Variants in BMP8B observed in about 807,000 individuals in gnomAD.
BMP8B encodes the protein bone morphogenetic protein 8b, also known as bone morphogenetic protein 8 (osteogenic protein 2).
A neutral mutation model predicts 30.3 loss-of-function variants in BMP8B; 17 were observed. That is an observed-to-expected ratio of 0.56 (90% CI 0.38 to 0.84). BMP8B has a LOEUF of 0.84. Among genes scored for constraint, BMP8B ranks in the 40% least tolerant of loss-of-function variants. The pLI is 0.00. For synonymous variants in BMP8B, 131 were observed against 214.7 expected (o/e 0.61, Z 3.41); for missense variants, 253 against 494.6 (o/e 0.51, Z 4.63).
At position 39,788,480 on chromosome 1, in the gene BMP8B, G is replaced by T; in HGVS notation, c.6C>A (p.Thr2=). M[T]ALPGPLWLLG... ...GGAGCCAGAGCGGGCCGGGGAGCGC[G>T]GTCATGGCAGGCCGGGGGCGCTCAG... Residue 2 remains threonine (T), a synonymous_variant, in exon 1 of 7, where the codon ACC becomes ACA. Coordinates refer to ENST00000372827, the MANE Select transcript of BMP8B (RefSeq NM_001720.5). The surrounding 1 kb of genome is among the most constrained non-coding windows in gnomAD (Gnocchi z 5.8). The T allele has an allele frequency of 2.0e-6, 2 of 1,017,984 alleles. No individual in the cohort carries two copies. Among genetic ancestry groups the T allele is most frequent in the Non-Finnish European group, 1.2e-6 (1 of 852,864 alleles). 63.1% of individuals were successfully genotyped at this position (1,017,984 alleles called of 1,614,324 possible).
chr1:39,778,485 T>C (rs983327245), intron 1 of BMP8B, among the ~76,000 whole-genome samples: 2 of 151,144 alleles, frequency 1.3e-5, no homozygotes, highest in African/African-American at 2.4e-5. Context: ...TGGTTCTGCG[T>C]CCTGAAGGGG....
Position 39,758,086 on chromosome 1 carries a change from C to T in BMP8B, c.*2333G>A, listed in dbSNP as rs1371794653. 6.6e-6 allele frequency: 1 copy of T among 152,202 alleles called. No homozygotes were observed. The highest frequency in any genetic ancestry group is 1.5e-5 in the Non-Finnish European group (1 of 68,044). The allele number at this position is 152,202 out of a possible 1,614,324, so 9.4% of individuals were successfully genotyped here. On this transcript the variant is annotated 3_prime_UTR_variant, in exon 7 of 7. Coordinates refer to ENST00000372827, the MANE Select transcript of BMP8B (RefSeq NM_001720.5). ...TGGTGCACCCCTAACTATGCCAGAT[C>T]ATTGGCTGGGCACTAAAGATACAGG... is the stretch of plus-strand genomic sequence containing the variant.
chr1:39,780,153 T>C (rs1650531101), intron 1 of BMP8B, among the ~76,000 whole-genome samples: 1 of 152,222 alleles, frequency 6.6e-6, no homozygotes, highest in African/African-American at 2.4e-5. Context: ...CATATTCTAT[T>C]GGTCACACAG....
chr1:39,776,039 G>A (rs1650205035), intron 1 of BMP8B, among the ~76,000 whole-genome samples: 1 of 152,296 alleles, frequency 6.6e-6, no homozygotes. Context: ...TGCCTGCTGA[G>A]GGTGCGAATC....
intron 6 of BMP8B, 35 bp from the exon 7 acceptor site, chr1:39,760,603 C>T: frequency 6.2e-7 from 1 of 1,604,078 alleles, no homozygotes; most frequent in South Asian, 1.1e-5. Context: ...GGGGCATGAG[C>T]CCAGTGGCCT....
At chr1:39,762,081 A>G (rs1202767474) in intron 6 of BMP8B, among the ~76,000 whole-genome samples, 1 of 152,204 alleles carries the variant, frequency 6.6e-6, no homozygotes. Flanking sequence ...CGTCCTCATC[A>G]TCCCTGGGCC....
intron 1 of BMP8B, among the ~76,000 whole-genome samples, chr1:39,780,440 T>C (rs1650551104): frequency 6.6e-6 from 1 of 152,204 alleles, no homozygotes. Context: ...GCTGCAGATA[T>C]GTCAAGGGAG....
At chr1:39,769,677 C>G in intron 3 of BMP8B, 1 of 1,568,166 alleles carries the variant, frequency 6.4e-7, no homozygotes. Context: ...GAGGAGCGCA[C>G]CACCCCGCCC....
Position 39,768,319 on chromosome 1 carries a change from C to T in BMP8B, c.674-3502G>A, listed in dbSNP as rs1372686275. Reference sequence around the variant, plus strand: ...GTTCTAGAACTCCTCCTGTCCTAGGCTGTAGCCTTTGGCCACACACAGAGG... The same window carrying T: ...GTTCTAGAACTCCTCCTGTCCTAGGTTGTAGCCTTTGGCCACACACAGAGG... On this transcript the variant is annotated intron_variant, in intron 3 of 6. Transcript: ENST00000372827. Among the ~76,000 whole-genome samples, 8 of 103,828 alleles carry T rather than the reference C, an allele frequency of 7.7e-5. 3 individuals carry two copies. Among genetic ancestry groups the T allele is most frequent in the African/African-American group, 1.4e-4 (3 of 21,668 alleles). 68.1% of individuals were successfully genotyped at this position (103,828 alleles called of 152,430 possible).
rs1330824069 is a variant in BMP8B at position 39,758,266 on chromosome 1, A to G, written c.*2153T>C. Reference sequence around the variant, plus strand: ...TTTTGTTGAGACAACAGTTTTGCTCATGTCACCAGGCTGAAGTGCAATGTT... The same window carrying G: ...TTTTGTTGAGACAACAGTTTTGCTCGTGTCACCAGGCTGAAGTGCAATGTT... On this transcript the variant is annotated 3_prime_UTR_variant, in exon 7 of 7. Transcript: ENST00000372827. 6.6e-6 allele frequency: 1 copy of G among 152,248 alleles called. No individual in the cohort carries two copies. The highest frequency in any genetic ancestry group is 1.5e-5 in the Non-Finnish European group (1 of 68,044). The allele number at this position is 152,248 out of a possible 1,614,324, so 9.4% of individuals were successfully genotyped here.
chr1:39,761,624 A>G (rs1648992700), intron 6 of BMP8B, among the ~76,000 whole-genome samples: 1 of 151,088 alleles, frequency 6.6e-6, no homozygotes, highest in Non-Finnish European at 1.5e-5. Flanking sequence ...CCCTCCTCCC[A>G]CTCACTGCAC....
At chr1:39,769,931 G>C (rs752852040) in intron 3 of BMP8B, 1 of 1,596,290 alleles carries the variant, frequency 6.3e-7, no homozygotes, top group Non-Finnish European at 8.5e-7. Flanking sequence ...GTTGTCCTTT[G>C]TGCAGTGCTG....
intron 1 of BMP8B, among the ~76,000 whole-genome samples, chr1:39,775,313 G>T (rs1238728977): frequency 6.6e-6 from 1 of 152,164 alleles, no homozygotes; most frequent in East Asian, 1.9e-4. Flanking sequence ...CTGAACTCCC[G>T]TTGCGCCCCC....
At chr1:39,779,105 A>G (rs1445906216) in intron 1 of BMP8B, among the ~76,000 whole-genome samples, 1 of 152,140 alleles carries the variant, frequency 6.6e-6, no homozygotes, top group Admixed American at 6.5e-5. Flanking sequence ...CTGGAGTTCA[A>G]TGGGACATAT....
In BMP8B at chr1:39,760,352, G is replaced by T; in HGVS notation, c.*67C>A. ...GCCTGGGGTCTGGCTGGGTTTGAGG[G>T]TTTCCTGCTTCTGAGGGGCCCGATC... On this transcript the variant is annotated 3_prime_UTR_variant, in exon 7 of 7. Transcript: ENST00000372827. The T allele has an allele frequency of 1.3e-6, 2 of 1,599,100 alleles. No homozygotes were observed. Among genetic ancestry groups the T allele is most frequent in the Non-Finnish European group, 1.7e-6 (2 of 1,174,848 alleles).
At chr1:39,777,735 T>A (rs1177697796) in intron 1 of BMP8B, among the ~76,000 whole-genome samples, 14 of 151,676 alleles carry the variant, frequency 9.2e-5, no homozygotes, top group Admixed American at 9.2e-4. Context: ...CTGTGACCCA[T>A]CCCACCTCCC....
In BMP8B at chr1:39,763,908, G is replaced by T. The variant is rs1490939982; in HGVS notation, c.869-117C>A. 8.0e-6 allele frequency: 10 copies of T among 1,242,434 alleles called. No individual in the cohort carries two copies. In the East Asian group the frequency reaches 2.4e-4, roughly 30 times the overall value. The allele number at this position is 1,242,434 out of a possible 1,614,324, so 77.0% of individuals were successfully genotyped here. Reference sequence around the variant, plus strand: ...CATTTGTCAAATAAATGAATGACAGGAAACCATTTGGTCTCATAAAGCCCA... The same window carrying T: ...CATTTGTCAAATAAATGAATGACAGTAAACCATTTGGTCTCATAAAGCCCA... On this transcript the variant is annotated intron_variant, in intron 4 of 6. Coordinates refer to ENST00000372827, the MANE Select transcript of BMP8B (RefSeq NM_001720.5).
Position 39,757,775 on chromosome 1 carries a change from T to A in BMP8B, c.*2644A>T, listed in dbSNP as rs2124393614. ...GGCCACCCACTGCAGATGCACATGC[T>A]TGGCTCAGCAAACGGATAAGGATTA... is the stretch of plus-strand genomic sequence containing the variant. On this transcript the variant is annotated 3_prime_UTR_variant, in exon 7 of 7. Transcript: ENST00000372827. 6.6e-6 allele frequency: 1 copy of A among 152,394 alleles called. No individual in the cohort carries two copies. 9.4% of individuals were successfully genotyped at this position (152,394 alleles called of 1,614,324 possible).
At chr1:39,784,813 C>G (rs1292555583) in intron 1 of BMP8B, among the ~76,000 whole-genome samples, 2 of 103,374 alleles carry the variant, frequency 1.9e-5, no homozygotes, top group East Asian at 6.1e-4. Context: ...ACACCCCTGT[C>G]CATGGCCACC....
Sources: gnomAD v4.1 joint callset for allele counts (sites outside exome capture counted in the v4.1 genomes callset) on GRCh38, gnomAD v4.1.1 for gene constraint, Gnocchi (gnomAD v3.1) non-coding constraint, MANE v1.5 for transcripts, NCBI Gene and HGNC (gene_info 2026-07-23, HGNC 2026-07-21) for gene names.